GPT: variants seen among roughly 807,000 people sequenced by gnomAD.
GPT encodes the protein alanine aminotransferase 1.
In GPT, 60 loss-of-function variants were observed where a neutral mutation model predicts 51.4. That is an observed-to-expected ratio of 1.17 (90% CI 0.95 to 1.45). The LOEUF is 1.45. Ranked by LOEUF, GPT falls within the 40% of genes most tolerant of loss-of-function variation. The probability of loss-of-function intolerance (pLI) is 0.00; values close to 1 mark genes in which losing one functional copy is unlikely to be tolerated. For synonymous variants in GPT, 397 were observed against 303.1 expected, an observed-to-expected ratio of 1.31 and a Z score of -3.22; for missense variants, 853 against 704.0, an observed-to-expected ratio of 1.21 and a Z score of -2.40.
chr8:144,504,759 C>G lies in GPT; in HGVS notation c.253-12C>G. ...GCCCATGTGCCCTGGCCTCAGCACTCCGTCTTCCCAGGTCTTGGCCCTCTG... is the reference window on the plus strand; with the variant it reads ...GCCCATGTGCCCTGGCCTCAGCACTGCGTCTTCCCAGGTCTTGGCCCTCTG... On this transcript the variant is annotated splice_polypyrimidine_tract_variant and intron_variant, in intron 2 of 10. Transcript: ENST00000394955. 2 of 1,610,816 alleles carry G rather than the reference C, an allele frequency of 1.2e-6. No homozygotes were observed. Among genetic ancestry groups the G allele is most frequent in the Non-Finnish European group, 1.7e-6 (2 of 1,177,418 alleles).
intron 4 of GPT, 41 bp downstream of exon 4, chr8:144,505,172 G>A (rs763375784): frequency 8.1e-6 from 13 of 1,612,804 alleles, no homozygotes; most frequent in Non-Finnish European, 8.5e-6. Context: ...TGACACTGCA[G>A]AGGGGGCGCC....
At position 144,506,983 on chromosome 8, in the gene GPT, A is replaced by G. The variant is rs1048931359; in HGVS notation, c.1474A>G (p.Thr492Ala). 1 of 1,609,316 alleles carries G rather than the reference A, an allele frequency of 6.2e-7. No homozygotes were observed. The highest frequency in any genetic ancestry group is 1.4e-5 in the African/African-American group (1 of 73,982). ...EKLSRFHAKF[T>A]LEYS ...GCTGAGCAGGTTCCATGCCAAGTTC[A>G]CCCTCGAGTACTCCTGAGCACCCCA... Residue 492 changes from threonine to alanine, a missense_variant, in exon 11 of 11, where the codon ACC becomes GCC. By Grantham distance (58) the Thr-to-Ala change is moderately conservative. Transcript: ENST00000394955. The surrounding 1 kb of genome is among the most constrained non-coding windows in gnomAD (Gnocchi z 7.0).
At position 144,504,687 on chromosome 8, in the gene GPT, G is replaced by A. The variant is rs1255386355; in HGVS notation, c.246G>A (p.Leu82=). 6.2e-7 allele frequency: 1 copy of A among 1,613,198 alleles called. No homozygotes were observed. Among genetic ancestry groups the A allele is most frequent in the Non-Finnish European group, 8.5e-7 (1 of 1,179,872 alleles). Reference sequence around the variant, plus strand: ...TGGGGCAGAGGCCCATCACCTTCCTGCGCCAGGTGAGGCTCCTGCACTGCC... The same window carrying A: ...TGGGGCAGAGGCCCATCACCTTCCTACGCCAGGTGAGGCTCCTGCACTGCC... ...QAMGQRPITF[L]RQVLALCVNP... The change falls in exon 2 of 11, where the codon CTG becomes CTA. Residue 82 remains leucine, a synonymous_variant. Transcript: ENST00000394955.
chr8:144,504,021 C>T (rs529543079), upstream of GPT: 16 of 524,208 alleles, frequency 3.1e-5, 1 homozygote, highest in Admixed American at 4.8e-4. Context: ...CTGGGCCTTG[C>T]CCCAAGCCCC....
upstream of GPT, chr8:144,503,853 A>G: frequency 9.3e-6 from 2 of 215,738 alleles, no homozygotes; most frequent in South Asian, 1.4e-4. Flanking sequence ...CCAGCCCCTC[A>G]GGGCTGCTGG....
At position 144,504,996 on chromosome 8, in the gene GPT, A is replaced by T. The variant is rs759335306; in HGVS notation, c.362-2A>T. 5.6e-6 allele frequency: 9 copies of T among 1,612,904 alleles called. No individual in the cohort carries two copies. The highest frequency in any genetic ancestry group is 7.6e-6 in the Non-Finnish European group (9 of 1,179,982). On this transcript the variant is annotated splice_acceptor_variant, in intron 3 of 10. Transcript: ENST00000394955. LOFTEE classifies it high-confidence loss of function. ...TTCCCATCCTGTCCTGCCCGAGTCC[A>T]GGGGCCTACAGCGTCAGCTCCGGCA...
chr8:144,506,328 G>A lies in GPT; in HGVS notation c.1053G>A (p.Pro351=), dbSNP rs780112950. Residue 351 remains proline (P), a synonymous_variant, in exon 8 of 11, where the codon CCG becomes CCA. Coordinates refer to ENST00000394955, the MANE Select transcript of GPT (RefSeq NM_005309.3). The surrounding 1 kb of genome is among the most constrained non-coding windows in gnomAD (Gnocchi z 7.0). ...LKLMSVRLCP[P]VPGQALLDLV... ...TGATGAGTGTGCGGCTGTGCCCGCCGGTGCCAGGACAGGCCCTGCTGGACC... is the reference window on the plus strand; with the variant it reads ...TGATGAGTGTGCGGCTGTGCCCGCCAGTGCCAGGACAGGCCCTGCTGGACC... 19 of 1,581,810 alleles carry A rather than the reference G, an allele frequency of 1.2e-5. No homozygotes were observed. Among genetic ancestry groups the A allele is most frequent in the East Asian group, 2.3e-5 (1 of 43,330 alleles).
At position 144,505,241 on chromosome 8, in the gene GPT, C is replaced by G; in HGVS notation, c.496-5C>G. The G allele has an allele frequency of 1.9e-6, 3 of 1,608,170 alleles. No homozygotes were observed. Among genetic ancestry groups the G allele is most frequent in the Non-Finnish European group, 2.5e-6 (3 of 1,177,954 alleles). On this transcript the variant is annotated splice_polypyrimidine_tract_variant and splice_region_variant and intron_variant, in intron 4 of 10. Coordinates refer to ENST00000394955, the MANE Select transcript of GPT (RefSeq NM_005309.3). The stretch of plus-strand genomic sequence containing the variant: ...CCAACCCTGCCTTCCCCTTCCTTTC[C>G]GCAGACGGTGCTGAAGCTGCTGGTG...
At position 144,506,012 on chromosome 8, in the gene GPT, G is replaced by A; in HGVS notation, c.837G>A (p.Val279=). ...CCTTCCAGGTGTACCAGGACAACGT[G>A]TACGCCGCGGGTTCGCAGTTCCACT... The part of the protein sequence containing the change: ...LLADEVYQDN[V]YAAGSQFHSF... The change falls in exon 7 of 11, where the codon GTG becomes GTA. Residue 279 remains valine, a synonymous_variant. Transcript: ENST00000394955. This position sits in a 1 kb window ranked among gnomAD's most constrained non-coding sequence, Gnocchi z 7.0. The A allele has an allele frequency of 1.3e-5, 21 of 1,612,424 alleles. No individual in the cohort carries two copies. Among genetic ancestry groups the A allele is most frequent in the Non-Finnish European group, 1.8e-5 (21 of 1,179,696 alleles).
chr8:144,504,648 G>A lies in GPT; in HGVS notation c.207G>A (p.Gly69=). 1 of 1,613,322 alleles carries A rather than the reference G, an allele frequency of 6.2e-7. No homozygotes were observed. Residue 69 remains glycine, a synonymous_variant, in exon 2 of 11, where the codon GGG becomes GGA. Transcript: ENST00000394955. ...PFTEVIRANI[G]DAQAMGQRPI... ...CCGAGGTCATCCGTGCCAACATCGG[G>A]GACGCACAGGCTATGGGGCAGAGGC...
In GPT at chr8:144,505,386, T is replaced by G; in HGVS notation, c.636T>G (p.Arg212=). The stretch of plus-strand genomic sequence containing the variant: ...TGGATTACTACCTGGACGAGGAGCG[T>G]GCCTGGGCGCTGGACGTGGCCGAGC... ...VQVDYYLDEE[R]AWALDVAELH... Residue 212 remains arginine, a synonymous_variant, in exon 5 of 11, where the codon CGT becomes CGG. Transcript: ENST00000394955. 3.1e-6 allele frequency: 5 copies of G among 1,593,710 alleles called. No individual in the cohort carries two copies. The highest frequency in any genetic ancestry group is 4.3e-6 in the Non-Finnish European group (5 of 1,171,510).
chr8:144,505,220 C>T, intron 4 of GPT, 26 bp from the exon 5 acceptor site: 1 of 1,611,094 alleles, frequency 6.2e-7, no homozygotes, highest in South Asian at 1.1e-5. Context: ...GCCTCGCCAA[C>T]CCTGCCTTCC....
At position 144,504,612 on chromosome 8, in the gene GPT, G is replaced by A. The variant is rs1052909413; in HGVS notation, c.171G>A (p.Lys57=). 10 of 1,613,068 alleles carry A rather than the reference G, an allele frequency of 6.2e-6. No individual in the cohort carries two copies. The Middle Eastern group carries it at 4.9e-4, about 80-fold the overall frequency. Residue 57 remains lysine, a synonymous_variant, in exon 2 of 11, where the codon AAG becomes AAA. Coordinates refer to ENST00000394955, the MANE Select transcript of GPT (RefSeq NM_005309.3). ...CTCCCCTCCCCTCCCAGGGTGTGAAGAAGCCTTTCACCGAGGTCATCCGTG... is the reference window on the plus strand; with the variant it reads ...CTCCCCTCCCCTCCCAGGGTGTGAAAAAGCCTTTCACCGAGGTCATCCGTG... ...ELEQELRQGV[K]KPFTEVIRAN...
At position 144,504,875 on chromosome 8, in the gene GPT, T is replaced by G. The variant is rs1300626200; in HGVS notation, c.357T>G (p.Ser119Arg). 1.2e-6 allele frequency: 2 copies of G among 1,613,136 alleles called. No individual in the cohort carries two copies. The highest frequency in any genetic ancestry group is 4.5e-5 in the East Asian group (2 of 44,884). Residue 119 changes from serine (S) to arginine (R), a missense_variant, in exon 3 of 11, where the codon AGT becomes AGG. Coordinates refer to ENST00000394955, the MANE Select transcript of GPT (RefSeq NM_005309.3). ...ERILQACGGH[S>R]LGAYSVSSGI... is the part of the protein sequence containing the mutation. ...TCTTGCAGGCGTGTGGGGGCCACAGTCTGGGTGAGAGCCAGGGCCAGGAGG... is the reference window on the plus strand; with the variant it reads ...TCTTGCAGGCGTGTGGGGGCCACAGGCTGGGTGAGAGCCAGGGCCAGGAGG...
chr8:144,504,527 G>A, intron 1 of GPT, 61 bp downstream of exon 1: 2 of 1,609,000 alleles, frequency 1.2e-6, no homozygotes, highest in Middle Eastern at 1.7e-4. Flanking sequence ...GTTGGCCCCA[G>A]CCCCACTGGC....
rs1185743774 is a variant in GPT, at chr8:144,507,132, TC to T, written c.*133del. On this transcript the variant is annotated 3_prime_UTR_variant, in exon 11 of 11. Coordinates refer to ENST00000394955, the MANE Select transcript of GPT (RefSeq NM_005309.3). ...GGGGGGGGTGCTGGGCCCCTGCCTC[TC>T]TGCAGGTCCCTAATAAAGCTGTGTG... 1.4e-6 allele frequency: 1 copy of T among 703,966 alleles called. No individual in the cohort carries two copies. Among genetic ancestry groups the T allele is most frequent in the Non-Finnish European group, 2.6e-6 (1 of 390,220 alleles). The allele number at this position is 703,966 out of a possible 1,614,324, so 43.6% of individuals were successfully genotyped here. A position where few individuals can be genotyped will look rare whatever the true frequency, so the allele number is the denominator to read the frequency against.
intron 6 of GPT, 24 bp from the exon 7 acceptor site, chr8:144,505,971 C>G: frequency 2.5e-6 from 4 of 1,612,220 alleles, no homozygotes; most frequent in Non-Finnish European, 3.4e-6. Context: ...CAGTCCGCCC[C>G]CGTGACGCCT....
chr8:144,506,232 G>A lies in GPT; in HGVS notation c.957G>A (p.Glu319=). The A allele has an allele frequency of 6.2e-7, 1 of 1,607,292 alleles. No individual in the cohort carries two copies. ...FHSTSKGYMG[E]CGFRGGYVEV... ...CCGCACCTGACCTGGCCGTGCGCAG[G>A]TGCGGGTTCCGCGGCGGCTATGTGG... The change falls in exon 8 of 11, where the codon GAG becomes GAA. Residue 319 remains glutamate, a splice_region_variant and synonymous_variant. Transcript: ENST00000394955. This position sits in a 1 kb window ranked among gnomAD's most constrained non-coding sequence, Gnocchi z 7.0.
rs1281562793 is a variant in GPT, at chr8:144,504,386, C to T, written c.82C>T (p.Pro28Ser). The T allele has an allele frequency of 3.7e-6, 6 of 1,611,850 alleles. No homozygotes were observed. The South Asian group carries it at 4.4e-5, about 12-fold the overall frequency. Residue 28 changes from proline (P) to serine (S), a missense_variant, in exon 1 of 11, where the codon CCG becomes TCG. Coordinates refer to ENST00000394955, the MANE Select transcript of GPT (RefSeq NM_005309.3). ...GGTGCTGACGCTGGACGGCATGAAC[C>T]CGCGTGTGCGGAGAGTGGAGTACGC... is the stretch of plus-strand genomic sequence containing the variant. ...AKVLTLDGMN[P>S]RVRRVEYAVR...
Sources: gnomAD v4.1 joint callset for allele counts on GRCh38, gnomAD v4.1.1 for gene constraint, Gnocchi (gnomAD v3.1) non-coding constraint, MANE v1.5 for transcripts, NCBI Gene and HGNC (gene_info 2026-07-23, HGNC 2026-07-21) for gene names.